Variants in ADK observed in about 807,000 individuals in gnomAD.
ADK encodes N6,N6-dimethyladenosine kinase.
Under a neutral mutation model 44.7 loss-of-function variants are expected in ADK, and 24 were observed. That is an observed-to-expected ratio of 0.54 (90% CI 0.39 to 0.76). The LOEUF is 0.76. Among genes scored for constraint, ADK ranks in the 30% least tolerant of loss-of-function variants. The pLI is 0.00. For synonymous variants in ADK, 128 were observed against 142.6 expected (o/e 0.90, Z 0.73); for missense variants, 321 against 425.1 (o/e 0.76, Z 2.15).
intron 6 of ADK, among the ~76,000 whole-genome samples, chr10:74,445,539 G>A (rs913421120): frequency 6.6e-6 from 1 of 151,884 alleles, no homozygotes; most frequent in African/African-American, 2.4e-5. Flanking sequence ...TTTAAGTGAA[G>A]AGAAGTGGTT....
chr10:74,259,456 C>CTT lies in ADK; in HGVS notation c.194+34882_194+34883dup, dbSNP rs66533506. On this transcript the variant is annotated intron_variant, in intron 3 of 10. Transcript: ENST00000539909. The stretch of plus-strand genomic sequence containing the variant: ...ACTCGATGTAATCATTTTTCTTTTC[C>CTT]TTTTTTTTTTTTTTTTTTGAGACGG... 4.9e-3 allele frequency among the ~76,000 whole-genome samples: 516 copies of CTT among 106,180 alleles called. 15 individuals carry two copies. The highest frequency in any genetic ancestry group is 0.014 in the African/African-American group (403 of 28,010). The allele number at this position is 106,180 out of a possible 152,430, so 69.7% of individuals were successfully genotyped here. A position where few individuals can be genotyped will look rare whatever the true frequency, so the allele number is the denominator to read the frequency against.
At chr10:74,578,086 A>G (rs1292780595) in intron 7 of ADK, among the ~76,000 whole-genome samples, 1 of 148,976 alleles carries the variant, frequency 6.7e-6, no homozygotes, top group African/African-American at 2.5e-5. Flanking sequence ...GGGAAGGGCC[A>G]TGGGATGTGG....
chr10:74,524,211 A>G (rs1848952325), intron 6 of ADK, among the ~76,000 whole-genome samples: 1 of 152,244 alleles, frequency 6.6e-6, no homozygotes, highest in Non-Finnish European at 1.5e-5. Context: ...CTGTACATAA[A>G]TAGCATTTTA....
intron 6 of ADK, among the ~76,000 whole-genome samples, chr10:74,518,988 G>A (rs1848704433): frequency 6.6e-6 from 1 of 151,712 alleles, no homozygotes; most frequent in Non-Finnish European, 1.5e-5. Flanking sequence ...ATTCTCTGGA[G>A]TGGTGCTATT....
At chr10:74,409,273 C>G (rs1844077486) in intron 6 of ADK, among the ~76,000 whole-genome samples, 1 of 152,088 alleles carries the variant, frequency 6.6e-6, no homozygotes, top group Non-Finnish European at 1.5e-5. Context: ...CTGTGAAGAA[C>G]TAATCACCAT....
chr10:74,630,325 C>CTTT (rs774789253), intron 9 of ADK, among the ~76,000 whole-genome samples: 2 of 142,354 alleles, frequency 1.4e-5, no homozygotes. Context: ...AATTATCCCA[C>CTTT]TTTTTTTTTT....
chr10:74,411,223 G>GA (rs202148320), intron 6 of ADK, among the ~76,000 whole-genome samples: 1,925 of 150,824 alleles, frequency 0.013, 45 homozygotes, highest in African/African-American at 0.044. Flanking sequence ...AGAATAAAAT[G>GA]AAAAAAAAAT....
intron 7 of ADK, chr10:74,530,420 A>G (rs1180512024): frequency 1.3e-5 from 2 of 152,196 alleles, no homozygotes; most frequent in Non-Finnish European, 2.9e-5. Context: ...TATTTTCTAC[A>G]TGTCACCTTC....
chr10:74,457,116 CA>C (rs1291147282), intron 6 of ADK, among the ~76,000 whole-genome samples: 1 of 151,992 alleles, frequency 6.6e-6, no homozygotes, highest in Non-Finnish European at 1.5e-5. Context: ...AGAAAAGAAT[CA>C]AATAGACACA....
At chr10:74,176,941 C>G in intron 1 of ADK, 1 of 1,602,746 alleles carries the variant, frequency 6.2e-7, no homozygotes, top group East Asian at 2.2e-5. Context: ...GCCTCCCGAG[C>G]GCGTGAGCAC....
chr10:74,525,170 G>A, intron 6 of ADK, 86 bp from the exon 7 acceptor site: 2 of 1,291,880 alleles, frequency 1.5e-6, no homozygotes, highest in South Asian at 1.3e-5. Flanking sequence ...ATATACTTTT[G>A]TATTTTGTAT....
At chr10:74,427,727 ATGTGTGTGTGTG>A (rs35949478) in intron 6 of ADK, among the ~76,000 whole-genome samples, 4 of 148,506 alleles carry the variant, frequency 2.7e-5, no homozygotes, top group Admixed American at 1.3e-4. Flanking sequence ...ATGTATATGT[ATGTGTGTGTGTG>A]TGTGTGTGTG....
intron 10 of ADK, among the ~76,000 whole-genome samples, chr10:74,695,620 GT>G (rs370105787): frequency 0.073 from 9,214 of 125,712 alleles, 424 homozygotes; most frequent in African/African-American, 0.15. Context: ...TATGTGTGGG[GT>G]GTGTGTGTGT....
intron 1 of ADK, chr10:74,176,788 G>A (rs928390927): frequency 1.2e-5 from 19 of 1,589,606 alleles, no homozygotes; most frequent in Admixed American, 3.4e-5. Flanking sequence ...GAGCCGGGAA[G>A]CAGTTGCTGT....
intron 3 of ADK, among the ~76,000 whole-genome samples, chr10:74,301,098 T>C (rs1840016215): frequency 6.6e-6 from 1 of 152,238 alleles, no homozygotes; most frequent in African/African-American, 2.4e-5. Context: ...AATCATATGC[T>C]ATTGGATTTA....
intron 3 of ADK, among the ~76,000 whole-genome samples, chr10:74,290,820 T>C (rs1012489434): frequency 2.6e-5 from 4 of 152,158 alleles, no homozygotes; most frequent in African/African-American, 4.8e-5. Context: ...ATGGCTCTTA[T>C]AGAATAAAGA....
intron 4 of ADK, among the ~76,000 whole-genome samples, chr10:74,335,171 G>A (rs1345312362): frequency 6.6e-6 from 1 of 152,278 alleles, no homozygotes; most frequent in Non-Finnish European, 1.5e-5. Flanking sequence ...GGGGAAAATG[G>A]AATGGGGGGT....
At chr10:74,571,361 T>G (rs1326041950) in intron 7 of ADK, among the ~76,000 whole-genome samples, 1 of 152,220 alleles carries the variant, frequency 6.6e-6, no homozygotes, top group Non-Finnish European at 1.5e-5. Context: ...TCAGAAGGAA[T>G]GGTACCAGCT....
intron 3 of ADK, among the ~76,000 whole-genome samples, chr10:74,279,429 T>G (rs1458537711): frequency 1.3e-5 from 2 of 151,494 alleles, no homozygotes; most frequent in Admixed American, 6.6e-5. Flanking sequence ...CTACTAAAAA[T>G]ACAAAAATTA....
Sources: allele counts gnomAD v4.1 joint callset (sites outside exome capture counted in the v4.1 genomes callset), GRCh38; gene constraint gnomAD v4.1.1; transcripts MANE v1.5; gene names NCBI Gene and HGNC (gene_info 2026-07-23, HGNC 2026-07-21).